The following NAB1 variants were observed in gnomAD, a reference collection of about 807,000 sequenced individuals.
NAB1 encodes NGFI-A binding protein 1.
A neutral mutation model predicts 49.9 loss-of-function variants in NAB1; 25 were observed. The ratio of observed to expected loss-of-function variants is 0.50; its 90% CI spans 0.37 to 0.70. NAB1 has a LOEUF of 0.70. Among genes scored for constraint, NAB1 ranks in the 30% least tolerant of loss-of-function variants. The probability of loss-of-function intolerance (pLI) is 0.00; values close to 1 mark genes in which losing one functional copy is unlikely to be tolerated. For missense variants in NAB1, 489 were observed against 575.9 expected (o/e 0.85, Z 1.54); for synonymous variants, 198 against 215.6 (o/e 0.92, Z 0.71).
At chr2:190,688,204 C>T (rs1695716196) in intron 9 of NAB1, among the ~76,000 whole-genome samples, 1 of 152,100 alleles carries the variant, frequency 6.6e-6, no homozygotes, top group Non-Finnish European at 1.5e-5. Context: ...TAAATAGCTC[C>T]AAATTTGCAT....
At chr2:190,660,100 A>G in intron 4 of NAB1, 105 bp downstream of exon 4, 2 of 990,954 alleles carry the variant, frequency 2.0e-6, no homozygotes, top group Non-Finnish European at 3.0e-6. Context: ...ACTACCTGAA[A>G]GCAGTATTAA....
intron 6 of NAB1, among the ~76,000 whole-genome samples, chr2:190,681,226 G>T (rs1467863307): frequency 6.6e-6 from 1 of 152,210 alleles, no homozygotes; most frequent in Non-Finnish European, 1.5e-5. Context: ...AGTCTTGTCT[G>T]TGATGAAGAT....
At position 190,670,603 on chromosome 2, in the gene NAB1, T is replaced by G; in HGVS notation, c.953+144T>G. ...ATGAAACTAAACAATGCAGTGATTT[T>G]GAAAACATTGCCAAGGTGATTTTTG... is the stretch of plus-strand genomic sequence containing the variant. On this transcript the variant is annotated intron_variant, in intron 5 of 9. Transcript: ENST00000337386. This position sits in a 1 kb window ranked among gnomAD's most constrained non-coding sequence, Gnocchi z 5.3. The G allele has an allele frequency of 1.1e-6, 1 of 913,908 alleles. No individual in the cohort carries two copies. The highest frequency in any genetic ancestry group is 1.8e-5 in the South Asian group (1 of 55,766). 56.6% of individuals were successfully genotyped at this position (913,908 alleles called of 1,614,324 possible). A position where few individuals can be genotyped will look rare whatever the true frequency, so the allele number is the denominator to read the frequency against.
In NAB1 at chr2:190,680,104, C is replaced by T. The variant is rs920382408; in HGVS notation, c.1006-3634C>T. Among the ~76,000 whole-genome samples, 2 of 152,220 alleles carry T rather than the reference C, an allele frequency of 1.3e-5. No homozygotes were observed. The highest frequency in any genetic ancestry group is 2.9e-5 in the Non-Finnish European group (2 of 68,038). On this transcript the variant is annotated intron_variant, in intron 6 of 9. Transcript: ENST00000337386. The surrounding 1 kb of genome is among the most constrained non-coding windows in gnomAD (Gnocchi z 5.2). ...CAGGGCTGGGCCTTCACCAGCAGCC[C>T]TCTAACCAGTGTCCCTGTCACCACC...
chr2:190,655,559 G>A (rs909486889), intron 2 of NAB1, among the ~76,000 whole-genome samples: 1 of 152,216 alleles, frequency 6.6e-6, no homozygotes, highest in Admixed American at 6.5e-5. Context: ...GCAGCAGACA[G>A]ATTAATGAGA....
chr2:190,659,632 G>T lies in NAB1; in HGVS notation c.456G>T (p.Leu152=), dbSNP rs746109805. The T allele has an allele frequency of 1.4e-5, 22 of 1,614,110 alleles. No homozygotes were observed. The East Asian group carries it at 4.7e-4, about 34-fold the overall frequency. ...CAGATGTGGTTGGGAGCCTAGCACT[G>T]CAGAGTGTTGGTGAGTCCAGACTCT... The part of the protein sequence containing the change: ...GKSDVVGSLA[L]QSVGESRLWQ... The change falls in exon 4 of 10, where the codon CTG becomes CTT. Residue 152 remains leucine, a synonymous_variant. Coordinates refer to ENST00000337386, the MANE Select transcript of NAB1 (RefSeq NM_005966.4). This position sits in a 1 kb window ranked among gnomAD's most constrained non-coding sequence, Gnocchi z 6.2.
At chr2:190,690,011 T>TATATGTATA (rs1559258244) in intron 9 of NAB1, among the ~76,000 whole-genome samples, 6 of 1,682 alleles carry the variant, frequency 3.6e-3, no homozygotes, top group Non-Finnish European at 6.5e-3. Context: ...GATGTATACA[T>TATATGTATA]CTATACATAT....
chr2:190,655,086 A>G (rs1229094942), intron 2 of NAB1, among the ~76,000 whole-genome samples: 1 of 152,256 alleles, frequency 6.6e-6, no homozygotes, highest in African/African-American at 2.4e-5. Context: ...GTGTGAGGAT[A>G]GCTTTTTAAA....
intron 4 of NAB1, 125 bp downstream of exon 4, chr2:190,660,120 G>A: frequency 1.2e-6 from 1 of 811,190 alleles, no homozygotes; most frequent in Non-Finnish European, 1.9e-6. Context: ...AAAACATTGA[G>A]GTGTTAGCAA....
chr2:190,681,391 T>C (rs1695334708), intron 6 of NAB1, among the ~76,000 whole-genome samples: 1 of 150,742 alleles, frequency 6.6e-6, no homozygotes, highest in South Asian at 2.1e-4. Flanking sequence ...GGGGTGGGGG[T>C]TTGCTAAAGA....
chr2:190,659,582 G>T lies in NAB1; in HGVS notation c.406G>T (p.Val136Leu). 6.2e-7 allele frequency: 1 copy of T among 1,614,252 alleles called. No homozygotes were observed. The highest frequency in any genetic ancestry group is 8.5e-7 in the Non-Finnish European group (1 of 1,180,044). The change falls in exon 4 of 10, where the codon GTG becomes TTG. Residue 136 changes from valine to leucine, a missense_variant. By Grantham distance (32) the Val-to-Leu change is conservative. This residue lies in a region of NAB1 where 204 missense variants were observed against 220.9 expected (regional missense o/e 0.92). Coordinates refer to ENST00000337386, the MANE Select transcript of NAB1 (RefSeq NM_005966.4). This position sits in a 1 kb window ranked among gnomAD's most constrained non-coding sequence, Gnocchi z 6.2. ...CCCCAAATGTGCTGCCACCACCTGT[G>T]TGCAGAGCTTGGGACAGGGGAAGTC... Reference protein sequence around the residue: ...KIPKCAATTCVQSLGQGKSDV... With the variant: ...KIPKCAATTCLQSLGQGKSDV...
At position 190,692,244 on chromosome 2, in the gene NAB1, TTG is replaced by T. The variant is rs1191795730; in HGVS notation, c.*1915_*1916del. 1 of 152,638 alleles carries T rather than the reference TTG, an allele frequency of 6.6e-6. No individual in the cohort carries two copies. Among genetic ancestry groups the T allele is most frequent in the Non-Finnish European group, 1.5e-5 (1 of 68,026 alleles). 9.5% of individuals were successfully genotyped at this position (152,638 alleles called of 1,614,324 possible). On this transcript the variant is annotated 3_prime_UTR_variant, in exon 10 of 10. Transcript: ENST00000337386. The surrounding 1 kb of genome is among the most constrained non-coding windows in gnomAD (Gnocchi z 5.2). Reference sequence around the variant, plus strand: ...TTTGAAACATTTTGTTTTTTTTTAATTGTGTCTTACAGTCAAGTTTGTAGATT... The same window carrying T: ...TTTGAAACATTTTGTTTTTTTTTAATTGTCTTACAGTCAAGTTTGTAGATT...
In NAB1 at chr2:190,679,219, G is replaced by A. The variant is rs867659888; in HGVS notation, c.1006-4519G>A. Among the ~76,000 whole-genome samples the A allele has an allele frequency of 2.6e-5, 4 of 152,178 alleles. No homozygotes were observed. Among genetic ancestry groups the A allele is most frequent in the Non-Finnish European group, 4.4e-5 (3 of 68,034 alleles). Reference sequence around the variant, plus strand: ...ATAATGTGAAAGAGACCAGTTTCTTGGGAATGTTCTTACTTTTATTTCTAA... The same window carrying A: ...ATAATGTGAAAGAGACCAGTTTCTTAGGAATGTTCTTACTTTTATTTCTAA... On this transcript the variant is annotated intron_variant, in intron 6 of 9. Coordinates refer to ENST00000337386, the MANE Select transcript of NAB1 (RefSeq NM_005966.4). The surrounding 1 kb of genome is among the most constrained non-coding windows in gnomAD (Gnocchi z 5.3).
In NAB1 at chr2:190,692,728, C is replaced by G. The variant is rs924770028; in HGVS notation, c.*2395C>G. On this transcript the variant is annotated 3_prime_UTR_variant, in exon 10 of 10. Coordinates refer to ENST00000337386, the MANE Select transcript of NAB1 (RefSeq NM_005966.4). The surrounding 1 kb of genome is among the most constrained non-coding windows in gnomAD (Gnocchi z 5.2). ...CTGTTGGTGAGGTGGGACGAATGCA[C>G]TTGCTTCCTGTGGCAATAAAGATTT... 1 of 152,630 alleles carries G rather than the reference C, an allele frequency of 6.6e-6. No homozygotes were observed. Among genetic ancestry groups the G allele is most frequent in the African/African-American group, 2.4e-5 (1 of 41,440 alleles). 9.5% of individuals were successfully genotyped at this position (152,630 alleles called of 1,614,324 possible).
At chr2:190,664,327 A>G (rs1694377011) in intron 4 of NAB1, among the ~76,000 whole-genome samples, 1 of 150,144 alleles carries the variant, frequency 6.7e-6, no homozygotes, top group Non-Finnish European at 1.5e-5. Flanking sequence ...TTTGTTAGTC[A>G]TTGCCTATTA....
intron 9 of NAB1, among the ~76,000 whole-genome samples, chr2:190,688,026 G>A (rs1010159276): frequency 6.6e-6 from 1 of 152,176 alleles, no homozygotes; most frequent in African/African-American, 2.4e-5. Context: ...ATCATAGTTA[G>A]ATATTTACAT....
At chr2:190,648,976 G>A (rs1693488788), upstream of NAB1, 1 of 149,172 alleles carries the variant, frequency 6.7e-6, no homozygotes, top group Non-Finnish European at 1.5e-5. Context: ...CGCGGGGTGG[G>A]GGAGTGGAGG....
chr2:190,653,948 G>A (rs1337348214), intron 2 of NAB1, among the ~76,000 whole-genome samples: 2 of 152,178 alleles, frequency 1.3e-5, no homozygotes, highest in Non-Finnish European at 2.9e-5. Context: ...GAAAAGGATT[G>A]TAGGTAAAGT....
rs185886065 is a variant in NAB1 at position 190,686,853 on chromosome 2, T to C, written c.1259-348T>C. Among the ~76,000 whole-genome samples the C allele has an allele frequency of 2.0e-5, 3 of 152,106 alleles. No homozygotes were observed. The highest frequency in any genetic ancestry group is 7.2e-5 in the African/African-American group (3 of 41,426). On this transcript the variant is annotated intron_variant, in intron 8 of 9. Coordinates refer to ENST00000337386, the MANE Select transcript of NAB1 (RefSeq NM_005966.4). This position sits in a 1 kb window ranked among gnomAD's most constrained non-coding sequence, Gnocchi z 5.5. ...TGTGTCTTTCTAGTACTTGTTATTATATGATTAATGACATGCCTTGGTAAA... is the reference window on the plus strand; with the variant it reads ...TGTGTCTTTCTAGTACTTGTTATTACATGATTAATGACATGCCTTGGTAAA...
Sources: allele counts gnomAD v4.1 joint callset (sites outside exome capture counted in the v4.1 genomes callset), GRCh38; gene constraint gnomAD v4.1.1; regional missense constraint gnomAD v4.1.1; non-coding constraint Gnocchi (gnomAD v3.1); transcripts MANE v1.5; gene names NCBI Gene and HGNC (gene_info 2026-07-23, HGNC 2026-07-21).